SLC30A7: variants seen among roughly 807,000 people sequenced by gnomAD.
The protein encoded by SLC30A7 is zinc transporter 7.
Under a neutral mutation model 46.0 loss-of-function variants are expected in SLC30A7, and 35 were observed. The ratio of observed to expected loss-of-function variants is 0.76; its 90% CI spans 0.58 to 1.01. The LOEUF (loss-of-function observed/expected upper bound fraction) is 1.01, where lower values mean the gene tolerates loss of function less well. Among genes scored for constraint, SLC30A7 ranks in the 50% least tolerant of loss-of-function variants. SLC30A7 has a pLI of 0.00. For synonymous variants in SLC30A7, 147 were observed against 157.8 expected (o/e 0.93, Z 0.51); for missense variants, 464 against 451.1 (o/e 1.03, Z -0.26).
chr1:100,902,538 C>T (rs1437873800), intron 2 of SLC30A7, among the ~76,000 whole-genome samples: 1 of 152,140 alleles, frequency 6.6e-6, no homozygotes, highest in Non-Finnish European at 1.5e-5. Context: ...GCTTAAACCA[C>T]AGAAATTTAT....
chr1:100,992,055 G>A, the SLC30A7 span, among the ~76,000 whole-genome samples: 1 of 150,952 alleles, frequency 6.6e-6, no homozygotes, highest in African/African-American at 2.4e-5. Flanking sequence ...CTGAGATAGT[G>A]CCTCTGCACT....
At chr1:100,986,956 T>C in the SLC30A7 span, among the ~76,000 whole-genome samples, 1 of 152,232 alleles carries the variant, frequency 6.6e-6, no homozygotes, top group Non-Finnish European at 1.5e-5. Flanking sequence ...TTAACTAACA[T>C]TGGATTTCAG....
At chr1:100,944,300 A>G (rs1320299499) in intron 8 of SLC30A7, among the ~76,000 whole-genome samples, 1 of 152,212 alleles carries the variant, frequency 6.6e-6, no homozygotes, top group African/African-American at 2.4e-5. Flanking sequence ...TCAGTCTCCC[A>G]AAGTGCTGGG....
chr1:100,912,378 ACTT>A (rs1652160799), intron 5 of SLC30A7, 140 bp downstream of exon 5: 1 of 957,088 alleles, frequency 1.0e-6, no homozygotes, highest in Non-Finnish European at 1.6e-6. Context: ...TATCCCTTTC[ACTT>A]CTTTATGCCC....
intron 6 of SLC30A7, among the ~76,000 whole-genome samples, chr1:100,915,537 C>T (rs1456241995): frequency 6.6e-6 from 1 of 152,068 alleles, no homozygotes; most frequent in Non-Finnish European, 1.5e-5. Flanking sequence ...TAGTATTTGT[C>T]CTTCTGTGTC....
chr1:100,991,336 T>G, the SLC30A7 span, among the ~76,000 whole-genome samples: 1 of 152,198 alleles, frequency 6.6e-6, no homozygotes, highest in Non-Finnish European at 1.5e-5. Context: ...GGGTCTTGAT[T>G]GAACAATGAT....
chr1:100,991,139 A>G, the SLC30A7 span, among the ~76,000 whole-genome samples: 2 of 152,252 alleles, frequency 1.3e-5, no homozygotes, highest in Non-Finnish European at 2.9e-5. Context: ...CTTTTAAATC[A>G]TGGTAATGAG....
the SLC30A7 span, among the ~76,000 whole-genome samples, chr1:100,993,571 T>TA: frequency 5.1e-5 from 4 of 78,836 alleles, no homozygotes; most frequent in Non-Finnish European, 8.1e-5. Flanking sequence ...TATATATATA[T>TA]ATATATATAT....
chr1:100,936,800 A>T (rs983495619), intron 8 of SLC30A7, among the ~76,000 whole-genome samples: 1 of 152,166 alleles, frequency 6.6e-6, no homozygotes, highest in African/African-American at 2.4e-5. Flanking sequence ...TGTCTCTATG[A>T]AGTTGTGAAA....
chr1:100,905,610 C>G (rs1651606889), intron 2 of SLC30A7, among the ~76,000 whole-genome samples: 1 of 152,000 alleles, frequency 6.6e-6, no homozygotes, highest in Admixed American at 6.5e-5. Flanking sequence ...TTTCCACTCT[C>G]TTTTCTCTTT....
the SLC30A7 span, among the ~76,000 whole-genome samples, chr1:100,995,318 T>A: frequency 4.6e-5 from 7 of 152,236 alleles, no homozygotes; most frequent in Admixed American, 6.5e-5. Flanking sequence ...CTTGTGGTTG[T>A]GCCACTAGTT....
chr1:100,900,408 G>A (rs937547369), intron 2 of SLC30A7, among the ~76,000 whole-genome samples: 6 of 152,178 alleles, frequency 3.9e-5, no homozygotes, highest in African/African-American at 1.4e-4. Flanking sequence ...CACAGCAGAT[G>A]TTTGTAAAGT....
chr1:100,950,224 C>A (rs377701584), intron 8 of SLC30A7, among the ~76,000 whole-genome samples: 34 of 152,146 alleles, frequency 2.2e-4, no homozygotes, highest in African/African-American at 7.7e-4. Flanking sequence ...TTAATTAATC[C>A]TTTGGAAACA....
chr1:100,926,734 A>G (rs1352962800), intron 8 of SLC30A7, among the ~76,000 whole-genome samples: 2 of 148,680 alleles, frequency 1.3e-5, no homozygotes, highest in African/African-American at 2.5e-5. Flanking sequence ...TTAAAATTCA[A>G]CAAATGTTTT....
downstream of SLC30A7, among the ~76,000 whole-genome samples, chr1:100,986,532 G>A (rs1455204018): frequency 6.6e-6 from 1 of 152,154 alleles, no homozygotes; most frequent in Middle Eastern, 3.2e-3. Flanking sequence ...AATGCAAAAT[G>A]TACAGGCACT....
chr1:100,904,218 A>G (rs1651495070), intron 2 of SLC30A7, among the ~76,000 whole-genome samples: 1 of 152,164 alleles, frequency 6.6e-6, no homozygotes, highest in Admixed American at 6.5e-5. Flanking sequence ...TTAAAGACTG[A>G]ACTGATGATT....
At chr1:100,930,314 TAGC>T (rs1035895780) in intron 8 of SLC30A7, among the ~76,000 whole-genome samples, 4 of 152,016 alleles carry the variant, frequency 2.6e-5, no homozygotes, top group African/African-American at 9.7e-5. Flanking sequence ...AATTTTAAAA[TAGC>T]AGCTTAATTT....
intron 10 of SLC30A7, among the ~76,000 whole-genome samples, chr1:100,966,224 C>CAA (rs113502196): frequency 5.1e-5 from 7 of 138,282 alleles, no homozygotes; most frequent in African/African-American, 1.9e-4. Flanking sequence ...GACCCTGTCT[C>CAA]AAAAAAAAAA....
At chr1:100,972,362 CT>C (rs371101402) in intron 10 of SLC30A7, 389 of 223,294 alleles carry the variant, frequency 1.7e-3, no homozygotes, top group South Asian at 3.9e-3. Flanking sequence ...ACTTTTTTTT[CT>C]TTTTTTTTTC....
Sources: allele counts gnomAD v4.1 joint callset (sites outside exome capture counted in the v4.1 genomes callset), GRCh38; gene constraint gnomAD v4.1.1; transcripts MANE v1.5; gene names NCBI Gene and HGNC (gene_info 2026-07-23, HGNC 2026-07-21).